Variants in ELAVL2 observed in about 807,000 individuals in gnomAD.
The protein encoded by ELAVL2 is ELAV-like protein 2.
Under a neutral mutation model 34.6 loss-of-function variants are expected in ELAVL2, and 4 were observed. The observed-to-expected ratio is 0.12, with a 90% CI of 0.06 to 0.26. The LOEUF is 0.26. Ranked by LOEUF, ELAVL2 falls within the 10% of genes least tolerant of loss-of-function variation. The pLI, the probability that ELAVL2 is intolerant of heterozygous loss-of-function variation, is 1.00. For synonymous variants in ELAVL2, 193 were observed against 154.8 expected (o/e 1.25, Z -1.83); for missense variants, 432 against 442.8 (o/e 0.98, Z 0.22).
intron 1 of ELAVL2, among the ~76,000 whole-genome samples, chr9:23,794,628 C>G (rs952104416): frequency 6.6e-6 from 1 of 152,174 alleles, no homozygotes; most frequent in Admixed American, 6.6e-5. Context: ...CAAATAACTA[C>G]ATTAGTCAAA....
Position 23,690,407 on chromosome 9 carries a change from A to T in ELAVL2, c.*2150T>A, listed in dbSNP as rs879356904. On this transcript the variant is annotated 3_prime_UTR_variant, in exon 7 of 7. Coordinates refer to ENST00000397312, the MANE Select transcript of ELAVL2 (RefSeq NM_004432.5). ...GTTTTCCCTTGAGGGAAACCTTATTATTTTTTTTTAAGTATATACATGTAT... is the reference window on the plus strand; with the variant it reads ...GTTTTCCCTTGAGGGAAACCTTATTTTTTTTTTTTAAGTATATACATGTAT... 9 of 151,594 alleles carry T rather than the reference A, an allele frequency of 5.9e-5. No homozygotes were observed. Among genetic ancestry groups the T allele is most frequent in the Admixed American group, 5.3e-4 (8 of 15,184 alleles). 9.4% of individuals were successfully genotyped at this position (151,594 alleles called of 1,614,324 possible).
intron 1 of ELAVL2, chr9:23,821,696 A>AGGCGGTGGC (rs1003995690): frequency 1.3e-5 from 2 of 152,170 alleles, no homozygotes; most frequent in South Asian, 2.0e-4. Context: ...CTCCGCGGAG[A>AGGCGGTGGC]GGCGGTGGCG....
the ELAVL2 span, among the ~76,000 whole-genome samples, chr9:23,844,284 A>G: frequency 6.6e-6 from 1 of 151,936 alleles, no homozygotes; most frequent in African/African-American, 2.4e-5. Flanking sequence ...CAGCACAGCC[A>G]TTTTTTCCAG....
At chr9:23,696,783 G>T (rs933231588) in intron 5 of ELAVL2, among the ~76,000 whole-genome samples, 1 of 151,936 alleles carries the variant, frequency 6.6e-6, no homozygotes, top group African/African-American at 2.4e-5. Flanking sequence ...TTTTATTTAT[G>T]GTCATTTATA....
chr9:23,694,060 C>T (rs1563896704), intron 5 of ELAVL2, among the ~76,000 whole-genome samples: 1 of 152,116 alleles, frequency 6.6e-6, no homozygotes, highest in South Asian at 2.1e-4. Context: ...TATGGACAAC[C>T]CAAGCTAACC....
intron 2 of ELAVL2, among the ~76,000 whole-genome samples, chr9:23,750,255 G>A (rs1302920440): frequency 6.6e-6 from 1 of 151,774 alleles, no homozygotes; most frequent in Non-Finnish European, 1.5e-5. Flanking sequence ...CTAGAGCTGG[G>A]GATATAATGG....
chr9:23,810,920 T>C (rs1413595215), intron 1 of ELAVL2, among the ~76,000 whole-genome samples: 2 of 152,194 alleles, frequency 1.3e-5, no homozygotes, highest in African/African-American at 2.4e-5. Flanking sequence ...TATTTTTCTA[T>C]CTTCCTAATG....
intron 2 of ELAVL2, among the ~76,000 whole-genome samples, chr9:23,758,467 A>T (rs1435804594): frequency 6.6e-6 from 1 of 152,152 alleles, no homozygotes; most frequent in African/African-American, 2.4e-5. Context: ...AACCCATATT[A>T]CAAATATGTC....
At chr9:23,731,395 A>G (rs1306238241) in intron 2 of ELAVL2, among the ~76,000 whole-genome samples, 1 of 152,044 alleles carries the variant, frequency 6.6e-6, no homozygotes, top group African/African-American at 2.4e-5. Flanking sequence ...TGCCTGAGCC[A>G]GAGTATACCA....
Position 23,701,590 on chromosome 9 carries a change from C to A in ELAVL2, c.502G>T (p.Val168Leu), listed in dbSNP as rs139149645. 7 of 1,614,078 alleles carry A rather than the reference C, an allele frequency of 4.3e-6. No individual in the cohort carries two copies. The highest frequency in any genetic ancestry group is 5.9e-6 in the Non-Finnish European group (7 of 1,179,968). The change falls in exon 5 of 7, where the codon GTA becomes TTA. Residue 168 changes from valine to leucine, a missense_variant. Physicochemically the swap from Val to Leu is conservative, Grantham distance 32 (BLOSUM62 1). Transcript: ENST00000397312. ...VDQVTGISRG[V>L]GFIRFDKRIE... is the part of the protein sequence containing the mutation. ...CGCTTGTCAAATCGAATAAACCCTA[C>A]ACCCCTTGATATGCCTATGGTAGAT...
the ELAVL2 span, among the ~76,000 whole-genome samples, chr9:23,846,163 G>A: frequency 6.6e-6 from 1 of 151,830 alleles, no homozygotes; most frequent in Non-Finnish European, 1.5e-5. Context: ...TTATTAGAGA[G>A]TCTATCATCT....
chr9:23,816,939 C>T (rs547574494), intron 1 of ELAVL2, among the ~76,000 whole-genome samples: 1 of 152,072 alleles, frequency 6.6e-6, no homozygotes, highest in Non-Finnish European at 1.5e-5. Context: ...TTATCAGGAG[C>T]ATCTGTATTA....
chr9:23,771,426 T>A (rs1273521608), intron 1 of ELAVL2, among the ~76,000 whole-genome samples: 1 of 151,850 alleles, frequency 6.6e-6, no homozygotes, highest in African/African-American at 2.4e-5. Flanking sequence ...GATATATATA[T>A]AAATCTATAT....
At chr9:23,834,749 G>A in the ELAVL2 span, among the ~76,000 whole-genome samples, 2 of 151,842 alleles carry the variant, frequency 1.3e-5, no homozygotes, top group African/African-American at 4.8e-5. Context: ...TTTAAAAGGC[G>A]CCAAAAGGCA....
chr9:23,709,766 ATATT>A (rs967261675), intron 3 of ELAVL2, among the ~76,000 whole-genome samples: 3 of 152,204 alleles, frequency 2.0e-5, no homozygotes, highest in African/African-American at 4.8e-5. Context: ...AAACAGGTGA[ATATT>A]TAATGCATGA....
intron 1 of ELAVL2, among the ~76,000 whole-genome samples, chr9:23,763,729 T>C (rs201794326): frequency 3.3e-5 from 5 of 152,090 alleles, no homozygotes; most frequent in African/African-American, 9.7e-5. Flanking sequence ...GTTGGACATA[T>C]TGAGACTGGT....
intron 3 of ELAVL2, among the ~76,000 whole-genome samples, chr9:23,729,644 C>G (rs2046076071): frequency 6.6e-6 from 1 of 151,974 alleles, no homozygotes; most frequent in Non-Finnish European, 1.5e-5. Flanking sequence ...TTTCATAGAA[C>G]AGTTTCTTGC....
chr9:23,776,421 A>C (rs961511155), intron 1 of ELAVL2, among the ~76,000 whole-genome samples: 1 of 152,148 alleles, frequency 6.6e-6, no homozygotes, highest in African/African-American at 2.4e-5. Flanking sequence ...AATCAAGAGG[A>C]AACCTGAAGT....
chr9:23,705,370 G>A (rs1166057265), intron 3 of ELAVL2, among the ~76,000 whole-genome samples: 1 of 152,186 alleles, frequency 6.6e-6, no homozygotes, highest in African/African-American at 2.4e-5. Flanking sequence ...TACTAAAAAT[G>A]GTCAATGGGT....
Sources: allele counts gnomAD v4.1 joint callset (sites outside exome capture counted in the v4.1 genomes callset), GRCh38; gene constraint gnomAD v4.1.1; transcripts MANE v1.5; gene names NCBI Gene and HGNC (gene_info 2026-07-23, HGNC 2026-07-21).